COL26A1: variants seen among roughly 807,000 people sequenced by gnomAD.
COL26A1 encodes the protein collagen type XXVI alpha 1 chain, also known as collagen alpha-1(XXVI) chain.
In COL26A1, 41 loss-of-function variants were observed where a neutral mutation model predicts 59.3. That is an observed-to-expected ratio of 0.69 (90% CI 0.54 to 0.90). The LOEUF is 0.90. COL26A1 is among the 40% of genes least tolerant of loss of function. The probability of loss-of-function intolerance (pLI) is 0.00; values close to 1 mark genes in which losing one functional copy is unlikely to be tolerated. For missense variants in COL26A1, 612 were observed against 602.3 expected (o/e 1.02, Z -0.17); for synonymous variants, 266 against 256.0 (o/e 1.04, Z -0.37).
intron 2 of COL26A1, among the ~76,000 whole-genome samples, chr7:101,446,803 C>T (rs554430870): frequency 1.5e-4 from 22 of 151,168 alleles, no homozygotes; most frequent in Non-Finnish European, 2.5e-4. Flanking sequence ...GCCCAGATCG[C>T]GCCACTGCAC....
rs1027422379 is a variant in COL26A1 at position 101,466,835 on chromosome 7, TGTGAGA to T, written c.385+19050_385+19055del. 6.1e-5 allele frequency among the ~76,000 whole-genome samples: 5 copies of T among 81,582 alleles called. No homozygotes were observed. In the East Asian group the frequency reaches 6.4e-4, roughly 10 times the overall value. 53.5% of individuals were successfully genotyped at this position (81,582 alleles called of 152,430 possible). A position where few individuals can be genotyped will look rare whatever the true frequency, so the allele number is the denominator to read the frequency against. On this transcript the variant is annotated intron_variant, in intron 3 of 12. Coordinates refer to ENST00000313669, the MANE Select transcript of COL26A1 (RefSeq NM_001278563.3). ...GTGTGTGTGTGTGTGTGTGTGTGTG[TGTGAGA>T]GAGAGAGATTCAGTCTCTGCCTTTT...
intron 1 of COL26A1, among the ~76,000 whole-genome samples, chr7:101,394,585 CTT>C (rs59966789): frequency 9.8e-5 from 12 of 122,784 alleles, no homozygotes; most frequent in East Asian, 2.4e-4. Context: ...TTTTTCTTTT[CTT>C]TTTTTTTTTT....
At chr7:101,548,044 C>T (rs938138862) in intron 8 of COL26A1, among the ~76,000 whole-genome samples, 1 of 152,156 alleles carries the variant, frequency 6.6e-6, no homozygotes, top group Non-Finnish European at 1.5e-5. Context: ...GAAGCTGGGG[C>T]GTGGCGGGGA....
At chr7:101,545,883 C>T (rs1292794707) in intron 7 of COL26A1, among the ~76,000 whole-genome samples, 1 of 152,216 alleles carries the variant, frequency 6.6e-6, no homozygotes, top group East Asian at 1.9e-4. Flanking sequence ...CTACCCCACC[C>T]CACCAAGGTT....
chr7:101,428,479 A>C (rs1792700491), intron 2 of COL26A1, among the ~76,000 whole-genome samples: 1 of 152,154 alleles, frequency 6.6e-6, no homozygotes, highest in Non-Finnish European at 1.5e-5. Context: ...AAGGGTTTTT[A>C]AAGAAAAAGT....
chr7:101,468,356 C>T (rs7804366), intron 3 of COL26A1, among the ~76,000 whole-genome samples: 13,456 of 152,038 alleles, frequency 0.089, 692 homozygotes, highest in Middle Eastern at 0.13. Context: ...TAAAAGGAAA[C>T]CCTTACCAAG....
intron 3 of COL26A1, among the ~76,000 whole-genome samples, chr7:101,502,638 G>C (rs1267673946): frequency 9.2e-6 from 1 of 109,072 alleles, no homozygotes; most frequent in East Asian, 2.0e-4. Context: ...CCCACTGTCA[G>C]GGGGGACCCA....
At chr7:101,415,239 G>A (rs547001110) in intron 1 of COL26A1, among the ~76,000 whole-genome samples, 31 of 147,318 alleles carry the variant, frequency 2.1e-4, no homozygotes, top group African/African-American at 7.5e-4. Context: ...TGCAACCTCC[G>A]CCTCTCAGGT....
chr7:101,392,516 C>G (rs1261485171), intron 1 of COL26A1, among the ~76,000 whole-genome samples: 1 of 151,238 alleles, frequency 6.6e-6, no homozygotes, highest in Non-Finnish European at 1.5e-5. Flanking sequence ...ATTCTCCTGC[C>G]TCAGCCTCCT....
intron 4 of COL26A1, among the ~76,000 whole-genome samples, chr7:101,537,316 C>T (rs946438831): frequency 1.3e-5 from 2 of 152,194 alleles, no homozygotes; most frequent in Admixed American, 6.5e-5. Flanking sequence ...TCTCTGACCT[C>T]ATGGACCACA....
intron 1 of COL26A1, among the ~76,000 whole-genome samples, chr7:101,411,347 G>T (rs2130241464): frequency 6.6e-6 from 1 of 152,200 alleles, no homozygotes; most frequent in African/African-American, 2.4e-5. Context: ...GAGGGTCAGG[G>T]AAGGCTCGCG....
intron 4 of COL26A1, among the ~76,000 whole-genome samples, chr7:101,534,637 A>G (rs1237648775): frequency 2.9e-5 from 4 of 138,280 alleles, no homozygotes; most frequent in Non-Finnish European, 6.1e-5. Flanking sequence ...ATGCATGTCA[A>G]TGGGCACACA....
At chr7:101,502,950 C>A (rs1183839832) in intron 3 of COL26A1, among the ~76,000 whole-genome samples, 1 of 152,144 alleles carries the variant, frequency 6.6e-6, no homozygotes, top group East Asian at 1.9e-4. Context: ...AAGGTGGGGC[C>A]CATCTGCTGC....
At chr7:101,511,571 C>A (rs1268138536) in intron 3 of COL26A1, among the ~76,000 whole-genome samples, 1 of 152,190 alleles carries the variant, frequency 6.6e-6, no homozygotes, top group African/African-American at 2.4e-5. Flanking sequence ...AGTCACCAAG[C>A]GCCACACGTG....
intron 1 of COL26A1, among the ~76,000 whole-genome samples, chr7:101,378,543 G>A (rs533552028): frequency 5.9e-5 from 9 of 151,688 alleles, no homozygotes; most frequent in Non-Finnish European, 1.5e-5. Flanking sequence ...ATTTTTTTTT[G>A]TACAGACAGT....
At chr7:101,533,189 CT>C in intron 4 of COL26A1, 46 bp downstream of exon 4, 1 of 1,452,468 alleles carries the variant, frequency 6.9e-7, no homozygotes, top group Non-Finnish European at 9.5e-7. Context: ...GCCTGGGGAC[CT>C]TGGGTGGTGG....
At chr7:101,441,260 C>T (rs1445669720) in intron 2 of COL26A1, among the ~76,000 whole-genome samples, 1 of 152,182 alleles carries the variant, frequency 6.6e-6, no homozygotes, top group Non-Finnish European at 1.5e-5. Flanking sequence ...TGTTCTCAGT[C>T]AGCTTATGTA....
chr7:101,447,767 C>A lies in COL26A1; in HGVS notation c.365C>A (p.Thr122Asn). 4 of 1,602,558 alleles carry A rather than the reference C, an allele frequency of 2.5e-6. No homozygotes were observed. Among genetic ancestry groups the A allele is most frequent in the Non-Finnish European group, 2.6e-6 (3 of 1,174,662 alleles). ...VLEWRCCPGF[T>N]GSNCDEECMN... ...GAGTGGAGATGCTGCCCTGGCTTCA[C>A]CGGGAGCAACTGTGATGAGGGTAAG... The change falls in exon 3 of 13, where the codon ACC becomes AAC. Residue 122 changes from threonine (T) to asparagine (N), a missense_variant. Physicochemically the swap from Thr to Asn is moderately conservative, Grantham distance 65. Coordinates refer to ENST00000313669, the MANE Select transcript of COL26A1 (RefSeq NM_001278563.3).
intron 3 of COL26A1, among the ~76,000 whole-genome samples, chr7:101,521,728 A>G (rs1795143971): frequency 6.6e-6 from 1 of 152,188 alleles, no homozygotes; most frequent in African/African-American, 2.4e-5. Context: ...CAGCACCCAC[A>G]TTAACAAAGA....
Sources: allele counts gnomAD v4.1 joint callset (sites outside exome capture counted in the v4.1 genomes callset), GRCh38; gene constraint gnomAD v4.1.1; transcripts MANE v1.5; gene names NCBI Gene and HGNC (gene_info 2026-07-23, HGNC 2026-07-21).